The following PER2 variants were observed in gnomAD, a reference collection of about 807,000 sequenced individuals.
PER2 encodes period circadian protein homolog 2.
In PER2, 66 loss-of-function variants were observed where a neutral mutation model predicts 121.0. That is an observed-to-expected ratio of 0.55 (90% CI 0.45 to 0.67). PER2 has a LOEUF of 0.67. Among genes scored for constraint, PER2 ranks in the 30% least tolerant of loss-of-function variants. The pLI, the probability that PER2 is intolerant of heterozygous loss-of-function variation, is 0.00. For missense variants in PER2, 1,521 were observed against 1,635.0 expected, an observed-to-expected ratio of 0.93 and a Z score of 1.20; for synonymous variants, 684 against 659.9, an observed-to-expected ratio of 1.04 and a Z score of -0.56.
rs2304669 is a variant in PER2, at chr2:238,257,022, T to C, written c.1965A>G (p.Ala655=). 213,336 of 1,613,266 alleles carry C rather than the reference T, an allele frequency of 0.13. 15,173 individuals are homozygous for C. The highest frequency in any genetic ancestry group is 0.19 in the Admixed American group (11,478 of 60,008). The change falls in exon 17 of 23, where the codon GCA becomes GCG. Residue 655 remains alanine, a synonymous_variant. Transcript: ENST00000254657. ...TGVGTHLTSL[A]LPGKAESVAS... The stretch of plus-strand genomic sequence containing the variant: ...CCACACTCTCTGCCTTGCCCGGCAG[T>C]GCCAGCGAGGTCAGGTGCGTACCTA...
At chr2:238,285,249 G>A (rs1488957416) in intron 1 of PER2, among the ~76,000 whole-genome samples, 1 of 121,136 alleles carries the variant, frequency 8.3e-6, no homozygotes, top group Non-Finnish European at 2.0e-5. Flanking sequence ...CACATTTTTG[G>A]TAGCTGGGTT....
intron 1 of PER2, 86 bp from the exon 2 acceptor site, chr2:238,278,041 C>CT: frequency 7.3e-7 from 1 of 1,373,440 alleles, no homozygotes; most frequent in Middle Eastern, 2.5e-4. Context: ...CCATTTGACT[C>CT]TTTCTGTTAC....
chr2:238,256,887 A>G (rs754713097), intron 17 of PER2, 35 bp downstream of exon 17: 1 of 1,602,058 alleles, frequency 6.2e-7, no homozygotes, highest in Non-Finnish European at 8.5e-7. Flanking sequence ...GTTAAAAATC[A>G]AACTGCTCTC....
chr2:238,273,913 G>T (rs181482132), intron 4 of PER2, among the ~76,000 whole-genome samples: 1 of 152,116 alleles, frequency 6.6e-6, no homozygotes, highest in Admixed American at 6.5e-5. Flanking sequence ...TGATCTGCCC[G>T]CCTCGGCCTC....
In PER2 at chr2:238,250,735, C is replaced by T. The variant is rs1195391394; in HGVS notation, c.3283G>A (p.Asp1095Asn). 1 of 1,612,540 alleles carries T rather than the reference C, an allele frequency of 6.2e-7. No homozygotes were observed. Among genetic ancestry groups the T allele is most frequent in the Admixed American group, 1.7e-5 (1 of 60,018 alleles). Reference protein sequence around the residue: ...DASPSGAGSSDTSHTSKYFGS... With the variant: ...DASPSGAGSSNTSHTSKYFGS... The stretch of plus-strand genomic sequence containing the variant: ...AAATATTTGCTGGTATGACTTGTGT[C>T]ACTACTGCCTTTAAAAACAAAAAAC... Residue 1095 changes from aspartate to asparagine, a missense_variant, in exon 21 of 23, where the codon GAC becomes AAC. By Grantham distance (23) the Asp-to-Asn change is conservative. Transcript: ENST00000254657.
At position 238,258,599 on chromosome 2, in the gene PER2, A is replaced by G. The variant is rs1695834231; in HGVS notation, c.1673T>C (p.Met558Thr). 6.2e-7 allele frequency: 1 copy of G among 1,614,126 alleles called. No individual in the cohort carries two copies. The highest frequency in any genetic ancestry group is 1.1e-5 in the South Asian group (1 of 91,084). Residue 558 changes from methionine to threonine, a missense_variant, in exon 15 of 23, where the codon ATG becomes ACG. Physicochemically the swap from Met to Thr is moderately conservative, Grantham distance 81 (BLOSUM62 -1). Coordinates refer to ENST00000254657, the MANE Select transcript of PER2 (RefSeq NM_022817.3). Reference sequence around the variant, plus strand: ...GCTGACCCCCAGGCTGTCCTTTTCCATGGCAGGGACAGCTTTCTTCTCAGC... The same window carrying G: ...GCTGACCCCCAGGCTGTCCTTTTCCGTGGCAGGGACAGCTTTCTTCTCAGC... ...PPAEKKAVPA[M>T]EKDSLGVSFP... is the part of the protein sequence containing the mutation.
At position 238,276,947 on chromosome 2, in the gene PER2, C is replaced by T. The variant is rs73088947; in HGVS notation, c.293+184G>A. ...GGAGCGACATCCCGGGGGCTCTGGACGGTGAGGGGACACAGTCAGTGTCTG... is the reference window on the plus strand; with the variant it reads ...GGAGCGACATCCCGGGGGCTCTGGATGGTGAGGGGACACAGTCAGTGTCTG... On this transcript the variant is annotated intron_variant, in intron 3 of 22. Coordinates refer to ENST00000254657, the MANE Select transcript of PER2 (RefSeq NM_022817.3). 6.0e-3 allele frequency among the ~76,000 whole-genome samples: 917 copies of T among 152,190 alleles called. 8 individuals carry two copies. Among genetic ancestry groups the T allele is most frequent in the African/African-American group, 0.015 (604 of 41,520 alleles).
intron 22 of PER2, among the ~76,000 whole-genome samples, chr2:238,246,970 G>A (rs1245728908): frequency 6.6e-6 from 1 of 152,198 alleles, no homozygotes; most frequent in Non-Finnish European, 1.5e-5. Context: ...CCTGTCCCAG[G>A]AGCTGGCACT....
intron 1 of PER2, among the ~76,000 whole-genome samples, chr2:238,282,791 G>C (rs1696669186): frequency 6.6e-6 from 1 of 152,194 alleles, no homozygotes; most frequent in African/African-American, 2.4e-5. Flanking sequence ...ATATACAGTA[G>C]AGTAGGCAAC....
At chr2:238,250,394 T>C (rs1370292762) in intron 21 of PER2, among the ~76,000 whole-genome samples, 157 bp downstream of exon 21, 2 of 152,254 alleles carry the variant, frequency 1.3e-5, no homozygotes, top group Admixed American at 6.5e-5. Context: ...CCTGGCAGAA[T>C]TGTCCAGAGG....
intron 1 of PER2, among the ~76,000 whole-genome samples, chr2:238,287,437 C>A (rs1045098166): frequency 1.3e-5 from 2 of 152,344 alleles, no homozygotes; most frequent in Non-Finnish European, 2.9e-5. Flanking sequence ...AGAGGGTGGG[C>A]CAAGAAGTCT....
At chr2:238,296,936 A>G in the PER2 span, among the ~76,000 whole-genome samples, 1 of 152,206 alleles carries the variant, frequency 6.6e-6, no homozygotes, top group African/African-American at 2.4e-5. Context: ...TGAGCGGTTC[A>G]TGGCAGGCAG....
At position 238,253,512 on chromosome 2, in the gene PER2, G is replaced by A. The variant is rs761462364; in HGVS notation, c.2511C>T (p.Ser837=). The A allele has an allele frequency of 1.9e-6, 3 of 1,611,898 alleles. No homozygotes were observed. The highest frequency in any genetic ancestry group is 8.5e-7 in the Non-Finnish European group (1 of 1,179,372). The change falls in exon 19 of 23, where the codon TCC becomes TCT. Residue 837 remains serine (S), a synonymous_variant. Coordinates refer to ENST00000254657, the MANE Select transcript of PER2 (RefSeq NM_022817.3). The surrounding 1 kb of genome is among the most constrained non-coding windows in gnomAD (Gnocchi z 5.6). The stretch of plus-strand genomic sequence containing the variant: ...AGGGCACGGCTGGGCAGCTGGACTG[G>A]GACGTGTCTGAGGGTGACCAGGCTG... ...NATAWSPSDT[S]QSSCPAVPFP...
intron 20 of PER2, 32 bp downstream of exon 20, chr2:238,251,567 A>G (rs750050928): frequency 6.2e-6 from 10 of 1,607,828 alleles, no homozygotes; most frequent in Non-Finnish European, 8.5e-6. Flanking sequence ...GGAACCTCCC[A>G]AGTGCCTAAC....
chr2:238,277,082 C>G, intron 3 of PER2, 49 bp downstream of exon 3: 1 of 1,355,318 alleles, frequency 7.4e-7, no homozygotes, highest in Non-Finnish European at 1.1e-6. Flanking sequence ...AATAAGAAGT[C>G]TTTCAATTTC....
In PER2 at chr2:238,255,799, G is replaced by A; in HGVS notation, c.2178C>T (p.Thr726=). The stretch of plus-strand genomic sequence containing the variant: ...GTGTGTGTGCAGCGAGTACCTCCTT[G>A]GTGAGGCCCAGCTTCTTGAAGGGCT... ...EKEPFKKLGL[T]KEVLAAHTQK... The change falls in exon 18 of 23, where the codon ACC becomes ACT. Residue 726 remains threonine, a synonymous_variant. Transcript: ENST00000254657. 6.2e-7 allele frequency: 1 copy of A among 1,614,124 alleles called. No homozygotes were observed. Among genetic ancestry groups the A allele is most frequent in the Non-Finnish European group, 8.5e-7 (1 of 1,180,008 alleles).
intron 22 of PER2, 65 bp from the exon 23 acceptor site, chr2:238,246,589 C>G (rs192014466): frequency 7.9e-7 from 1 of 1,259,818 alleles, no homozygotes; most frequent in East Asian, 2.4e-5. Flanking sequence ...AAAAGTCATT[C>G]AAATTGGCCG....
the PER2 span, chr2:238,295,775 C>G: frequency 6.0e-6 from 1 of 165,408 alleles, no homozygotes; most frequent in African/African-American, 2.4e-5. Context: ...GGGAGACACC[C>G]TACCCACTCC....
At chr2:238,293,126 TA>T (rs1428904270), upstream of PER2, among the ~76,000 whole-genome samples, 1 of 151,850 alleles carries the variant, frequency 6.6e-6, no homozygotes, top group African/African-American at 2.4e-5. Context: ...CTCTCCAAAA[TA>T]CATCTAATCT....
Sources: allele counts gnomAD v4.1 joint callset (sites outside exome capture counted in the v4.1 genomes callset), GRCh38; gene constraint gnomAD v4.1.1; non-coding constraint Gnocchi (gnomAD v3.1); transcripts MANE v1.5; gene names NCBI Gene and HGNC (gene_info 2026-07-23, HGNC 2026-07-21).